The following UTS2 variants were observed in gnomAD, a reference collection of about 807,000 sequenced individuals.
UTS2 encodes the protein urotensin-2.
Under a neutral mutation model 12.6 loss-of-function variants are expected in UTS2, and 10 were observed. The ratio of observed to expected loss-of-function variants is 0.80; its 90% confidence interval spans 0.49 to 1.35. The LOEUF (loss-of-function observed/expected upper bound fraction) is 1.35, where lower values mean the gene tolerates loss of function less well. UTS2 is among the 40% of genes most tolerant of loss of function. UTS2 has a pLI of 0.00. For synonymous variants in UTS2, 52 were observed against 50.0 expected (o/e 1.04, Z -0.17); for missense variants, 142 against 143.2 (o/e 0.99, Z 0.04).
chr1:7,903,924 T>G, the UTS2 span, among the ~76,000 whole-genome samples: 1 of 152,286 alleles, frequency 6.6e-6, no homozygotes, highest in Non-Finnish European at 1.5e-5. Flanking sequence ...CAAATTTGGA[T>G]TTCAAAAACG....
the UTS2 span, among the ~76,000 whole-genome samples, chr1:7,908,442 C>CA: frequency 3.2e-5 from 4 of 123,568 alleles, no homozygotes; most frequent in East Asian, 9.3e-4. Flanking sequence ...GCCTGGGCGA[C>CA]AGAGTGAGAC....
chr1:7,853,469 G>A (rs1225812618), upstream of UTS2: 7 of 1,600,536 alleles, frequency 4.4e-6, no homozygotes, highest in Non-Finnish European at 6.0e-6. Context: ...GAGTTGCCAT[G>A]CTGTGTTTAG....
the UTS2 span, among the ~76,000 whole-genome samples, chr1:7,860,117 G>T: frequency 6.6e-6 from 1 of 152,228 alleles, no homozygotes; most frequent in African/African-American, 2.4e-5. Context: ...CAGGGACTGT[G>T]TAGGGTACTA....
At chr1:7,891,233 A>G in the UTS2 span, among the ~76,000 whole-genome samples, 2 of 152,182 alleles carry the variant, frequency 1.3e-5, no homozygotes, top group African/African-American at 4.8e-5. Context: ...AACAAGTTCA[A>G]GTCTGTTTTA....
At chr1:7,909,889 C>G in the UTS2 span, among the ~76,000 whole-genome samples, 6 of 152,276 alleles carry the variant, frequency 3.9e-5, no homozygotes, top group East Asian at 9.7e-4. Flanking sequence ...CCCAAGATTA[C>G]AGGCGTGAGC....
chr1:7,850,853 T>A lies in UTS2; in HGVS notation c.173A>T (p.Glu58Val), dbSNP rs757516672. Reference sequence around the variant, plus strand: ...ATCCCCTCTTTCTGCACCCAGCATCTCTGGCAGTATCTGTAGAAGGGAAGC... The same window carrying A: ...ATCCCCTCTTTCTGCACCCAGCATCACTGGCAGTATCTGTAGAAGGGAAGC... The part of the protein sequence containing the change: ...ERASLLQILP[E>V]MLGAERGDIL... Residue 58 changes from glutamate (E) to valine (V), a missense_variant, in exon 2 of 4, where the codon GAG becomes GTG. Transcript: ENST00000361696. 2.5e-6 allele frequency: 4 copies of A among 1,614,060 alleles called. No individual in the cohort carries two copies. In the East Asian group the frequency reaches 8.9e-5, roughly 36 times the overall value.
At chr1:7,872,773 C>A in the UTS2 span, among the ~76,000 whole-genome samples, 4 of 152,310 alleles carry the variant, frequency 2.6e-5, no homozygotes, top group South Asian at 2.1e-4. Context: ...TCCAGATGAT[C>A]TAGCTAAGAT....
At chr1:7,864,073 C>T in the UTS2 span, among the ~76,000 whole-genome samples, 1 of 152,234 alleles carries the variant, frequency 6.6e-6, no homozygotes, top group East Asian at 1.9e-4. Flanking sequence ...CAGGTCACAG[C>T]GAGGCCCCAG....
At chr1:7,892,667 C>T in the UTS2 span, among the ~76,000 whole-genome samples, 61,961 of 150,714 alleles carry the variant, frequency 0.41, 13,124 homozygotes, top group East Asian at 0.53. Context: ...TTAGTAGAGG[C>T]GGGGAGGCGG....
At chr1:7,861,995 C>T in the UTS2 span, among the ~76,000 whole-genome samples, 1 of 151,780 alleles carries the variant, frequency 6.6e-6, no homozygotes, top group Non-Finnish European at 1.5e-5. Flanking sequence ...TCACTGCAAC[C>T]TCCGTGCCCC....
chr1:7,860,410 G>C, the UTS2 span, among the ~76,000 whole-genome samples: 2 of 152,148 alleles, frequency 1.3e-5, no homozygotes, highest in Non-Finnish European at 2.9e-5. Context: ...GTGTGGTTCA[G>C]TGTGATCAAA....
chr1:7,850,212 C>T (rs1360787062), intron 2 of UTS2, among the ~76,000 whole-genome samples: 1 of 152,078 alleles, frequency 6.6e-6, no homozygotes, highest in Admixed American at 6.5e-5. Context: ...TCAAGTGATC[C>T]GCCCACCTCA....
the UTS2 span, among the ~76,000 whole-genome samples, chr1:7,910,759 C>T: frequency 5.3e-5 from 8 of 152,118 alleles, no homozygotes; most frequent in African/African-American, 1.9e-4. Context: ...CAGGGACTTG[C>T]TCTGTCTCCC....
chr1:7,868,246 G>A, the UTS2 span, among the ~76,000 whole-genome samples: 4 of 152,134 alleles, frequency 2.6e-5, no homozygotes, highest in East Asian at 1.9e-4. Flanking sequence ...CAGCAGAGTC[G>A]CTACGATAAT....
At chr1:7,905,396 C>T in the UTS2 span, among the ~76,000 whole-genome samples, 4 of 132,074 alleles carry the variant, frequency 3.0e-5, no homozygotes, top group African/African-American at 1.1e-4. Context: ...GCCCCTGCCT[C>T]GGCCTCCCAA....
At chr1:7,865,041 TGTCC>T in the UTS2 span, among the ~76,000 whole-genome samples, 6,861 of 40,740 alleles carry the variant, frequency 0.17, 1,698 homozygotes, top group Middle Eastern at 0.4. Flanking sequence ...TGTGTCTGTC[TGTCC>T]GATACCATCA....
At chr1:7,886,676 T>C in the UTS2 span, among the ~76,000 whole-genome samples, 1 of 152,164 alleles carries the variant, frequency 6.6e-6, no homozygotes, top group African/African-American at 2.4e-5. Context: ...CACTTTCTGC[T>C]TCAGTTTTCT....
At chr1:7,863,979 G>T in the UTS2 span, among the ~76,000 whole-genome samples, 1 of 152,190 alleles carries the variant, frequency 6.6e-6, no homozygotes, top group Admixed American at 6.5e-5. Context: ...GGTCTGCCCG[G>T]GAGAATTCAC....
chr1:7,879,002 GATAC>G, the UTS2 span, among the ~76,000 whole-genome samples: 1 of 152,114 alleles, frequency 6.6e-6, no homozygotes, highest in Non-Finnish European at 1.5e-5. Flanking sequence ...ACAGTACCCA[GATAC>G]ATAAAGCAAA....
Sources: allele counts gnomAD v4.1 joint callset (sites outside exome capture counted in the v4.1 genomes callset), GRCh38; gene constraint gnomAD v4.1.1; transcripts MANE v1.5; gene names NCBI Gene and HGNC (gene_info 2026-07-23, HGNC 2026-07-21).